The following MXI1 variants were observed in gnomAD, a reference collection of about 807,000 sequenced individuals.
The protein encoded by MXI1 is MAX interactor 1, dimerization protein.
Under a neutral mutation model 36.9 loss-of-function variants are expected in MXI1, and 18 were observed. That is an observed-to-expected ratio of 0.49 (90% CI 0.34 to 0.72). The LOEUF is 0.72. Ranked by LOEUF, MXI1 falls within the 30% of genes least tolerant of loss-of-function variation. The pLI is 0.01. For synonymous variants in MXI1, 160 were observed against 146.7 expected (o/e 1.09, Z -0.65); for missense variants, 304 against 379.1 (o/e 0.80, Z 1.64).
At chr10:110,244,901 A>G (rs749555018) in intron 3 of MXI1, 44 bp downstream of exon 3, 1 of 1,593,312 alleles carries the variant, frequency 6.3e-7, no homozygotes, top group Admixed American at 1.7e-5. Flanking sequence ...GTTTAAAAGC[A>G]AACTCACCAT....
At chr10:110,249,186 A>C (rs951145424) in intron 3 of MXI1, among the ~76,000 whole-genome samples, 2 of 152,190 alleles carry the variant, frequency 1.3e-5, no homozygotes, top group Non-Finnish European at 2.9e-5. Context: ...GTGTGATGTT[A>C]TATGAAGATA....
intron 1 of MXI1, chr10:110,227,747 G>A (rs979107301): frequency 5.3e-6 from 1 of 190,164 alleles, no homozygotes; most frequent in Admixed American, 5.5e-5. Context: ...GGAGACTGTG[G>A]TGTCGAGAGA....
chr10:110,278,647 AATATATAACAAC>A (rs1381284968), intron 3 of MXI1, among the ~76,000 whole-genome samples: 1 of 152,084 alleles, frequency 6.6e-6, no homozygotes, highest in African/African-American at 2.4e-5. Context: ...GGTTCAAACT[AATATATAACAAC>A]ATGTAACACA....
At chr10:110,279,817 A>G (rs1366400779) in intron 4 of MXI1, 97 bp from the exon 5 acceptor site, 4 of 836,342 alleles carry the variant, frequency 4.8e-6, no homozygotes, top group Non-Finnish European at 7.0e-6. Context: ...ACACTCACAC[A>G]TGTATATTCA....
At chr10:110,210,077 C>A (rs1334792798) in intron 1 of MXI1, among the ~76,000 whole-genome samples, 2 of 141,630 alleles carry the variant, frequency 1.4e-5, no homozygotes, top group African/African-American at 2.6e-5. Context: ...GCCGCCACCT[C>A]GTTGTTTACC....
At chr10:110,216,665 G>GTTTTTTTTTTTTTTGTTTT (rs1854646517) in intron 1 of MXI1, among the ~76,000 whole-genome samples, 5 of 79,058 alleles carry the variant, frequency 6.3e-5, no homozygotes, top group African/African-American at 4.0e-4. Flanking sequence ...TGTGTTTAAT[G>GTTTTTTTTTTTTTTGTTTT]TTTTTTTTTT....
chr10:110,225,118 T>G (rs934143523), intron 1 of MXI1, among the ~76,000 whole-genome samples: 3 of 152,224 alleles, frequency 2.0e-5, no homozygotes, highest in African/African-American at 7.2e-5. Context: ...TACACAAACC[T>G]CGAGAGCAGG....
chr10:110,219,802 C>T (rs1236377094), intron 1 of MXI1, among the ~76,000 whole-genome samples: 1 of 152,232 alleles, frequency 6.6e-6, no homozygotes, highest in Non-Finnish European at 1.5e-5. Context: ...GTGCCTGGCA[C>T]ATAACAGATG....
At chr10:110,227,271 C>G in intron 1 of MXI1, 1 of 749,290 alleles carries the variant, frequency 1.3e-6, no homozygotes, top group Non-Finnish European at 1.5e-6. Context: ...GAAGGGCGTG[C>G]GCGTGTGGGA....
intron 5 of MXI1, among the ~76,000 whole-genome samples, chr10:110,282,328 A>G (rs190266451): frequency 6.2e-4 from 95 of 152,116 alleles, no homozygotes; most frequent in East Asian, 1.2e-3. Context: ...TTTTAACGCA[A>G]CCTTTTTAAC....
At chr10:110,273,131 T>C (rs373102883) in intron 3 of MXI1, among the ~76,000 whole-genome samples, 41 of 136,928 alleles carry the variant, frequency 3.0e-4, no homozygotes, top group African/African-American at 1.0e-3. Context: ...CACTGCAACC[T>C]CCGCCTCCCA....
Position 110,227,387 on chromosome 10 carries a change from G to A in MXI1, c.275-802G>A, listed in dbSNP as rs905077572. 3.0e-6 allele frequency: 3 copies of A among 987,972 alleles called. No individual in the cohort carries two copies. The South Asian group carries it at 1.3e-4, about 44-fold the overall frequency. 61.2% of individuals were successfully genotyped at this position (987,972 alleles called of 1,614,324 possible). A position where few individuals can be genotyped will look rare whatever the true frequency, so the allele number is the denominator to read the frequency against. On this transcript the variant is annotated intron_variant, in intron 1 of 5. Transcript: ENST00000332674. ...GAGGCGTGTGTGAGAGGTCGCGCAG[G>A]TGCTGGGGGAGGTGCGAGGGTGCGC...
intron 3 of MXI1, among the ~76,000 whole-genome samples, chr10:110,274,750 A>G (rs1285554743): frequency 6.6e-6 from 1 of 151,844 alleles, no homozygotes; most frequent in African/African-American, 2.4e-5. Context: ...CCCTTCTTTT[A>G]CTAGAGGTGC....
chr10:110,280,727 T>C (rs1319619592), intron 5 of MXI1, among the ~76,000 whole-genome samples: 1 of 152,166 alleles, frequency 6.6e-6, no homozygotes, highest in East Asian at 1.9e-4. Context: ...TCTCAATCCA[T>C]TGTGTCAGGA....
At chr10:110,263,530 T>C (rs147372510) in intron 3 of MXI1, among the ~76,000 whole-genome samples, 3 of 152,288 alleles carry the variant, frequency 2.0e-5, no homozygotes, top group East Asian at 3.9e-4. Flanking sequence ...AGAAACTCCA[T>C]TGTGACTTCA....
At chr10:110,229,300 A>G (rs765492530) in intron 2 of MXI1, among the ~76,000 whole-genome samples, 4 of 152,238 alleles carry the variant, frequency 2.6e-5, no homozygotes, top group African/African-American at 4.8e-5. Flanking sequence ...TCTAGAGAAT[A>G]TAATAAACAT....
At chr10:110,254,943 G>C (rs942964042) in intron 3 of MXI1, among the ~76,000 whole-genome samples, 2 of 152,058 alleles carry the variant, frequency 1.3e-5, no homozygotes, top group African/African-American at 4.8e-5. Context: ...AGAAAATCTA[G>C]CTAAAATAAT....
chr10:110,248,545 T>C (rs1855957247), intron 3 of MXI1, among the ~76,000 whole-genome samples: 1 of 152,152 alleles, frequency 6.6e-6, no homozygotes, highest in African/African-American at 2.4e-5. Context: ...GGGCTGTGTG[T>C]AATCTCCAAT....
At chr10:110,248,574 T>C (rs1834528697) in intron 3 of MXI1, among the ~76,000 whole-genome samples, 1 of 152,188 alleles carries the variant, frequency 6.6e-6, no homozygotes, top group Non-Finnish European at 1.5e-5. Context: ...TTTGTTCCTA[T>C]TTTATTTACT....
Sources: gnomAD v4.1 joint callset for allele counts (sites outside exome capture counted in the v4.1 genomes callset) on GRCh38, gnomAD v4.1.1 for gene constraint, MANE v1.5 for transcripts, NCBI Gene and HGNC (gene_info 2026-07-23, HGNC 2026-07-21) for gene names.